CST7: variants seen among roughly 807,000 people sequenced by gnomAD.
CST7 encodes the protein cystatin-F.
A neutral mutation model predicts 13.1 loss-of-function variants in CST7; 15 were observed. That is an observed-to-expected ratio of 1.14 (90% CI 0.77 to 1.76). The LOEUF (loss-of-function observed/expected upper bound fraction) is 1.76. Among genes scored for constraint, CST7 ranks in the 40% most tolerant of loss-of-function variants. CST7 has a pLI of 0.00. For missense variants in CST7, 193 were observed against 178.8 expected (o/e 1.08, Z -0.45); for synonymous variants, 75 against 66.9 (o/e 1.12, Z -0.59).
rs745454606 is a variant in CST7, at chr20:24,959,733, C to T, written c.*21C>T. On this transcript the variant is annotated 3_prime_UTR_variant, in exon 4 of 4. Transcript: ENST00000480798. ...ACTGACCCCCGCCTCTTCAGCAAGA[C>T]CACAGCCATGACAAACACCAGGATG... 1 of 1,611,956 alleles carries T rather than the reference C, an allele frequency of 6.2e-7. No homozygotes were observed. Among genetic ancestry groups the T allele is most frequent in the East Asian group, 2.2e-5 (1 of 44,854 alleles).
intron 1 of CST7, among the ~76,000 whole-genome samples, chr20:24,950,852 G>A (rs2122441102): frequency 6.6e-6 from 1 of 152,324 alleles, no homozygotes; most frequent in South Asian, 2.1e-4. Context: ...CAAGGGGGAA[G>A]CAGGGAAGAG....
rs541862126 is a variant in CST7 at position 24,956,711 on chromosome 20, C to T, written c.71-576C>T. 9.9e-5 allele frequency among the ~76,000 whole-genome samples: 15 copies of T among 152,024 alleles called. No individual in the cohort carries two copies. In the South Asian group the frequency reaches 2.9e-3, roughly 29 times the overall value. ...GCTGGGCCTGAGACTGAGAGCCAGG[C>T]GGGCAAAAGGTCTTGAGACGAGGAC... On this transcript the variant is annotated intron_variant, in intron 1 of 3. Coordinates refer to ENST00000480798, the MANE Select transcript of CST7 (RefSeq NM_003650.4).
At chr20:24,959,138 G>C in intron 3 of CST7, 94 bp downstream of exon 3, 1 of 1,015,072 alleles carries the variant, frequency 9.9e-7, no homozygotes, top group Middle Eastern at 2.6e-4. Flanking sequence ...CGTCTCTAAC[G>C]CAGCGCCCCA....
At chr20:24,956,048 A>G (rs942136990) in intron 1 of CST7, among the ~76,000 whole-genome samples, 1 of 152,128 alleles carries the variant, frequency 6.6e-6, no homozygotes. Context: ...GCCTCCCTTC[A>G]CAATGGAGAC....
In CST7 at chr20:24,957,440, T is replaced by C. The variant is rs2087866076; in HGVS notation, c.224T>C (p.Ile75Thr). Reference sequence around the variant, plus strand: ...ATGTTCTTGTTCAAGGAGTCCCGCATCACAAGGGCCCTAGTTCAGGTAACG... The same window carrying C: ...ATGTTCTTGTTCAAGGAGTCCCGCACCACAAGGGCCCTAGTTCAGGTAACG... ...NDMFLFKESRITRALVQIVKG... is the reference protein window; with the variant it reads ...NDMFLFKESRTTRALVQIVKG... Residue 75 changes from isoleucine to threonine, a missense_variant, in exon 2 of 4, where the codon ATC becomes ACC. By Grantham distance (89) the Ile-to-Thr change is moderately conservative (BLOSUM62 -1). Transcript: ENST00000480798. 6.2e-7 allele frequency: 1 copy of C among 1,613,612 alleles called. No homozygotes were observed. The highest frequency in any genetic ancestry group is 1.3e-5 in the African/African-American group (1 of 74,952).
chr20:24,957,880 T>C lies in CST7; in HGVS notation c.243+421T>C, dbSNP rs77332402. Among the ~76,000 whole-genome samples, 929 of 152,262 alleles carry C rather than the reference T, an allele frequency of 6.1e-3. 15 individuals are homozygous for C. Among genetic ancestry groups the C allele is most frequent in the African/African-American group, 0.022 (905 of 41,540 alleles). On this transcript the variant is annotated intron_variant, in intron 2 of 3. Coordinates refer to ENST00000480798, the MANE Select transcript of CST7 (RefSeq NM_003650.4). The stretch of plus-strand genomic sequence containing the variant: ...TGCAGCCCAGAGGTGTCTTTGCCAC[T>C]TTCCCCCTGGAGTGCTCACTCACAT...
Position 24,949,623 on chromosome 20 carries a change from A to G in CST7, c.70+48A>G, listed in dbSNP as rs558501855. On this transcript the variant is annotated intron_variant, in intron 1 of 3. Coordinates refer to ENST00000480798, the MANE Select transcript of CST7 (RefSeq NM_003650.4). ...CGCTCCCCGGGGGTCTCTCCCTGAGATTGGCCACTGGTGCCTTGGGTCTTC... is the reference window on the plus strand; with the variant it reads ...CGCTCCCCGGGGGTCTCTCCCTGAGGTTGGCCACTGGTGCCTTGGGTCTTC... 8 of 1,609,310 alleles carry G rather than the reference A, an allele frequency of 5.0e-6. No individual in the cohort carries two copies. In the East Asian group the frequency reaches 1.6e-4, roughly 31 times the overall value.
intron 1 of CST7, among the ~76,000 whole-genome samples, chr20:24,954,540 C>G (rs1012309188): frequency 6.6e-6 from 1 of 152,190 alleles, no homozygotes; most frequent in Non-Finnish European, 1.5e-5. Flanking sequence ...TTTCTCTAAA[C>G]AAATCATCCT....
chr20:24,953,253 C>G (rs2087831821), intron 1 of CST7, among the ~76,000 whole-genome samples: 1 of 152,150 alleles, frequency 6.6e-6, no homozygotes, highest in Admixed American at 6.5e-5. Flanking sequence ...GATCACCAGA[C>G]AAGGAGATGG....
intron 1 of CST7, among the ~76,000 whole-genome samples, chr20:24,955,651 G>A (rs916109306): frequency 4.6e-5 from 7 of 152,094 alleles, no homozygotes; most frequent in African/African-American, 7.2e-5. Context: ...AGGTTTCACC[G>A]TGTTTGCCAG....
chr20:24,952,226 TCTCA>T (rs1380748031), intron 1 of CST7, among the ~76,000 whole-genome samples: 3 of 152,238 alleles, frequency 2.0e-5, no homozygotes, highest in South Asian at 2.1e-4. Context: ...CCTCATATAT[TCTCA>T]CTGTCGTCAG....
chr20:24,956,650 G>A (rs2087856557), intron 1 of CST7, among the ~76,000 whole-genome samples: 1 of 152,072 alleles, frequency 6.6e-6, no homozygotes, highest in Non-Finnish European at 1.5e-5. Flanking sequence ...GGGGTACCAA[G>A]TGCTGCAGGC....
intron 1 of CST7, among the ~76,000 whole-genome samples, chr20:24,951,467 G>A (rs547644201): frequency 6.6e-6 from 1 of 152,348 alleles, no homozygotes; most frequent in South Asian, 2.1e-4. Flanking sequence ...AGGGCCTTCA[G>A]TCTTCGGCTG....
chr20:24,958,461 A>G (rs2087873153), intron 2 of CST7, among the ~76,000 whole-genome samples: 2 of 152,328 alleles, frequency 1.3e-5, no homozygotes, highest in East Asian at 3.9e-4. Context: ...CAACTCCTCT[A>G]AGACCACAAA....
Position 24,949,375 on chromosome 20 carries a change from C to A in CST7, c.-131C>A. ...GCACGGGCACAGACCACTGCCCCCACCTGCCCTGCGCCATCTACCCAAGAA... is the reference window on the plus strand; with the variant it reads ...GCACGGGCACAGACCACTGCCCCCAACTGCCCTGCGCCATCTACCCAAGAA... On this transcript the variant is annotated 5_prime_UTR_variant, in exon 1 of 4. Coordinates refer to ENST00000480798, the MANE Select transcript of CST7 (RefSeq NM_003650.4). The A allele has an allele frequency of 3.2e-6, 5 of 1,578,230 alleles. No individual in the cohort carries two copies. Among genetic ancestry groups the A allele is most frequent in the Non-Finnish European group, 4.3e-6 (5 of 1,160,592 alleles).
chr20:24,957,483 A>C lies in CST7; in HGVS notation c.243+24A>C, dbSNP rs144952319. The stretch of plus-strand genomic sequence containing the variant: ...AGGTAACGGTCTGGGTTCTGGTCAC[A>C]TATCACGGACACCCCTAGGAAGCCG... On this transcript the variant is annotated intron_variant, in intron 2 of 3. Transcript: ENST00000480798. The C allele has an allele frequency of 1.9e-4, 307 of 1,609,802 alleles. No individual in the cohort carries two copies. The African/African-American group carries it at 3.2e-3, about 17-fold the overall frequency.
chr20:24,950,680 A>T (rs1158931244), intron 1 of CST7, among the ~76,000 whole-genome samples: 1 of 152,118 alleles, frequency 6.6e-6, no homozygotes, highest in African/African-American at 2.4e-5. Flanking sequence ...TGGGGACAGC[A>T]TACCCGGCCC....
chr20:24,953,068 G>T (rs1200922098), intron 1 of CST7, among the ~76,000 whole-genome samples: 1 of 152,234 alleles, frequency 6.6e-6, no homozygotes, highest in African/African-American at 2.4e-5. Context: ...GTCAGAAACT[G>T]CAGCTCCCTG....
At chr20:24,952,640 T>A (rs935338794) in intron 1 of CST7, among the ~76,000 whole-genome samples, 8 of 152,188 alleles carry the variant, frequency 5.3e-5, no homozygotes, top group African/African-American at 1.7e-4. Context: ...GCAGACCTTA[T>A]GCTCTGGGTG....
Sources: gnomAD v4.1 joint callset for allele counts (sites outside exome capture counted in the v4.1 genomes callset) on GRCh38, gnomAD v4.1.1 for gene constraint, MANE v1.5 for transcripts, NCBI Gene and HGNC (gene_info 2026-07-23, HGNC 2026-07-21) for gene names.